The following CENPF variants were observed in gnomAD, a reference collection of about 807,000 sequenced individuals.
CENPF encodes AH antigen.
CENPF carries 214 observed loss-of-function variants against 307.3 expected under a neutral mutation model. The observed-to-expected ratio is 0.70, with a 90% CI of 0.62 to 0.78. The LOEUF (loss-of-function observed/expected upper bound fraction) is 0.78. Ranked by LOEUF, CENPF falls within the 30% of genes least tolerant of loss-of-function variation. The probability of loss-of-function intolerance (pLI) is 0.00; values close to 1 mark genes in which losing one functional copy is unlikely to be tolerated. For missense variants in CENPF, 3,401 were observed against 3,483.9 expected, an observed-to-expected ratio of 0.98 and a Z score of 0.60; for synonymous variants, 1,259 against 1,270.6, an observed-to-expected ratio of 0.99 and a Z score of 0.19.
In CENPF at chr1:214,639,919, A is replaced by T. The variant is rs1214812997; in HGVS notation, c.1583-2A>T. On this transcript the variant is annotated splice_acceptor_variant, in intron 11 of 19. Transcript: ENST00000366955. LOFTEE classifies it high-confidence loss of function. ...TGACGACTTTTATTTATTTTTAAAT[A>T]GCGAAGAATACCTCTCAGGAAACCA... is the stretch of plus-strand genomic sequence containing the variant. 4 of 1,479,092 alleles carry T rather than the reference A, an allele frequency of 2.7e-6. No homozygotes were observed. The highest frequency in any genetic ancestry group is 3.6e-6 in the Non-Finnish European group (4 of 1,119,054). The allele number at this position is 1,479,092 out of a possible 1,614,324, so 91.6% of individuals were successfully genotyped here.
At chr1:214,623,713 G>C (rs59225065) in intron 7 of CENPF, among the ~76,000 whole-genome samples, 1 of 152,012 alleles carries the variant, frequency 6.6e-6, no homozygotes, top group South Asian at 2.1e-4. Context: ...CCTGGGGCTG[G>C]AACAGTGATA....
chr1:214,647,227 G>A lies in CENPF; in HGVS notation c.7657G>A (p.Glu2553Lys), dbSNP rs117254535. Reference protein sequence around the residue: ...QVEGEHQLWKEQNLELRNLTV... With the variant: ...QVEGEHQLWKKQNLELRNLTV... ...GGAAGGAGAGCACCAACTTTGGAAG[G>A]AGCAAAACTTAGAACTGAGAAATCT... The change falls in exon 13 of 20, where the codon GAG becomes AAG. Residue 2553 changes from glutamate (E) to lysine (K), a missense_variant. By Grantham distance (56) the Glu-to-Lys change is moderately conservative. Coordinates refer to ENST00000366955, the MANE Select transcript of CENPF (RefSeq NM_016343.4). The A allele has an allele frequency of 4.5e-4, 729 of 1,614,052 alleles. 12 individuals are homozygous for A. In the East Asian group the frequency reaches 0.016, roughly 35 times the overall value.
chr1:214,661,233 T>C lies in CENPF; in HGVS notation c.9141+2205T>C, dbSNP rs1018272551. Among the ~76,000 whole-genome samples, 13 of 152,198 alleles carry C rather than the reference T, an allele frequency of 8.5e-5. 1 individual carries two copies. The highest frequency in any genetic ancestry group is 3.1e-4 in the African/African-American group (13 of 41,452). On this transcript the variant is annotated intron_variant, in intron 19 of 19. Transcript: ENST00000366955. ...TGAATTGCTAAGCAATTTTGTGCAC[T>C]TGCAAATGAGGAGAGGGACCTTTTG... is the stretch of plus-strand genomic sequence containing the variant.
Position 214,647,177 on chromosome 1 carries a change from A to G in CENPF, c.7607A>G (p.Gln2536Arg). 6.2e-7 allele frequency: 1 copy of G among 1,614,156 alleles called. No individual in the cohort carries two copies. Among genetic ancestry groups the G allele is most frequent in the Non-Finnish European group, 8.5e-7 (1 of 1,179,996 alleles). ...AAAAATCAAATTCAAGACCAAGAGC[A>G]GCTTGTCTCTAAACTGTCCCAGGTG... ...RLKNQIQDQE[Q>R]LVSKLSQVEG... Residue 2536 changes from glutamine (Q) to arginine (R), a missense_variant, in exon 13 of 20, where the codon CAG becomes CGG. By Grantham distance (43) the Gln-to-Arg change is conservative (BLOSUM62 1). Coordinates refer to ENST00000366955, the MANE Select transcript of CENPF (RefSeq NM_016343.4).
intron 17 of CENPF, among the ~76,000 whole-genome samples, chr1:214,656,609 G>T (rs1459191129): frequency 2.0e-5 from 3 of 152,286 alleles, no homozygotes; most frequent in East Asian, 3.9e-4. Context: ...AAATAAGGAT[G>T]TAAAAAAATG....
chr1:214,606,084 A>C (rs7366282), intron 1 of CENPF: 65,081 of 1,526,738 alleles, frequency 0.043, 3,912 homozygotes, highest in African/African-American at 0.21. Context: ...CCGTACCTGG[A>C]GGCGCCGGAG....
chr1:214,605,436 G>A (rs1448822725), intron 1 of CENPF: 1 of 506,814 alleles, frequency 2.0e-6, no homozygotes, highest in African/African-American at 1.9e-5. Flanking sequence ...AGAAGAATCC[G>A]CTTTGTTTTT....
Position 214,646,215 on chromosome 1 carries a change from G to A in CENPF, c.6645G>A (p.Leu2215=). ...CGTTAAGGTCTGAAAAAGAAAATCT[G>A]ACAAAACAAATACAAGAAAAACAAG... ...LVTLRSEKEN[L]TKQIQEKQGQ... is the part of the protein sequence containing the mutation. Residue 2215 remains leucine (L), a synonymous_variant, in exon 13 of 20, where the codon CTG becomes CTA. Transcript: ENST00000366955. 3 of 1,613,240 alleles carry A rather than the reference G, an allele frequency of 1.9e-6. No individual in the cohort carries two copies. Among genetic ancestry groups the A allele is most frequent in the Non-Finnish European group, 2.5e-6 (3 of 1,179,864 alleles).
rs371547901 is a variant in CENPF at position 214,637,902 on chromosome 1, T to C, written c.1483T>C (p.Ser495Pro). The change falls in exon 11 of 20, where the codon TCT becomes CCT. Residue 495 changes from serine (S) to proline (P), a missense_variant. Physicochemically the swap from Ser to Pro is moderately conservative, Grantham distance 74. Coordinates refer to ENST00000366955, the MANE Select transcript of CENPF (RefSeq NM_016343.4). ...GGAAAACAACCTCCTTAAGAGTCAC[T>C]CTGAGCAAAAGGCCAGAGAAGTCTG... is the stretch of plus-strand genomic sequence containing the variant. ...KKENNLLKSH[S>P]EQKAREVCHL... 5.6e-6 allele frequency: 9 copies of C among 1,613,242 alleles called. No individual in the cohort carries two copies. Among genetic ancestry groups the C allele is most frequent in the Non-Finnish European group, 7.6e-6 (9 of 1,179,878 alleles).
chr1:214,642,640 GC>G lies in CENPF; in HGVS notation c.4303del (p.Leu1435CysfsTer8), dbSNP rs747642984. On this transcript the variant is annotated frameshift_variant, in exon 12 of 20. Coordinates refer to ENST00000366955, the MANE Select transcript of CENPF (RefSeq NM_016343.4). LOFTEE classifies it high-confidence loss of function. ...HCQMSSKMSE[L>X]QTYVDSLKAE... is the part of the protein sequence containing the mutation. Reference sequence around the variant, plus strand: ...GTCAGATGAGCTCTAAAATGTCAGAGCTGCAGACCTATGTTGACTCATTAAA... The same window carrying G: ...GTCAGATGAGCTCTAAAATGTCAGAGTGCAGACCTATGTTGACTCATTAAA... The G allele has an allele frequency of 6.2e-7, 1 of 1,613,912 alleles. No individual in the cohort carries two copies. The highest frequency in any genetic ancestry group is 8.5e-7 in the Non-Finnish European group (1 of 1,179,904).
At chr1:214,634,840 A>C (rs930904890) in intron 10 of CENPF, among the ~76,000 whole-genome samples, 2 of 152,212 alleles carry the variant, frequency 1.3e-5, no homozygotes, top group Non-Finnish European at 2.9e-5. Context: ...CAAATTTAGG[A>C]CGCTTATAGG....
chr1:214,624,285 T>A (rs1020877707), intron 7 of CENPF, among the ~76,000 whole-genome samples: 5 of 152,158 alleles, frequency 3.3e-5, no homozygotes, highest in Admixed American at 2.6e-4. Context: ...CAGGGTATCC[T>A]AGTTTCACAA....
At chr1:214,657,576 T>C (rs1448045646) in intron 18 of CENPF, among the ~76,000 whole-genome samples, 167 bp downstream of exon 18, 1 of 152,244 alleles carries the variant, frequency 6.6e-6, no homozygotes, top group Non-Finnish European at 1.5e-5. Flanking sequence ...TATGTTTTCC[T>C]CTAGGATCTA....
chr1:214,615,103 C>A (rs1280982912), intron 3 of CENPF, 75 bp downstream of exon 3: 13 of 1,071,514 alleles, frequency 1.2e-5, no homozygotes, highest in Non-Finnish European at 1.6e-5. Flanking sequence ...TTTCCTTTAA[C>A]AATATAATTA....
chr1:214,630,704 T>C, intron 9 of CENPF, 42 bp downstream of exon 9: 2 of 1,607,048 alleles, frequency 1.2e-6, no homozygotes, highest in Non-Finnish European at 1.7e-6. Flanking sequence ...TCATCCCCTC[T>C]TGTTCCTTGT....
chr1:214,632,745 A>C, intron 10 of CENPF, 143 bp downstream of exon 10: 9 of 930,148 alleles, frequency 9.7e-6, no homozygotes, highest in Non-Finnish European at 1.4e-5. Flanking sequence ...AGTATTACAG[A>C]ATTTTCTGTA....
rs1236086555 is a variant in CENPF, at chr1:214,640,587, A to C, written c.2249A>C (p.Asp750Ala). The C allele has an allele frequency of 3.7e-6, 6 of 1,614,088 alleles. No homozygotes were observed. Among genetic ancestry groups the C allele is most frequent in the Non-Finnish European group, 5.1e-6 (6 of 1,179,952 alleles). The change falls in exon 12 of 20, where the codon GAC becomes GCC. Residue 750 changes from aspartate (D) to alanine (A), a missense_variant. Asp to Ala is a moderately radical substitution (Grantham distance 126). Transcript: ENST00000366955. ...CTGTCAAATGAAATAATGGACAAAG[A>C]CCGGTGTTACCAAGACTTGCATGCC... ...QLLSNEIMDK[D>A]RCYQDLHAEY... is the part of the protein sequence containing the mutation.
Position 214,641,773 on chromosome 1 carries a change from A to T in CENPF, c.3435A>T (p.Glu1145Asp), listed in dbSNP as rs61732030. The T allele has an allele frequency of 7.4e-3, 11,753 of 1,588,954 alleles. 691 individuals are homozygous for T. In the African/African-American group the frequency reaches 0.13, roughly 18 times the overall value. Residue 1145 changes from glutamate (E) to aspartate (D), a missense_variant, in exon 12 of 20, where the codon GAA becomes GAT. By Grantham distance (45) the Glu-to-Asp change is conservative. Transcript: ENST00000366955. ...LKEEQNKMQK[E>D]VNDLLQENEQ... ...AAGAACAAAACAAAATGCAAAAGGA[A>T]GTTAATGACTTATTACAAGAGAATG... is the stretch of plus-strand genomic sequence containing the variant.
chr1:214,647,951 T>C (rs1454795954), intron 13 of CENPF: 2 of 498,540 alleles, frequency 4.0e-6, no homozygotes, highest in Non-Finnish European at 4.0e-6. Flanking sequence ...CTTTGTGCAG[T>C]CTTCTATTGT....
Sources: allele counts gnomAD v4.1 joint callset (sites outside exome capture counted in the v4.1 genomes callset), GRCh38; gene constraint gnomAD v4.1.1; transcripts MANE v1.5; gene names NCBI Gene and HGNC (gene_info 2026-07-23, HGNC 2026-07-21).